Variants in SLC12A1 observed in about 807,000 individuals in gnomAD.
SLC12A1 encodes Na-K-2Cl cotransporter.
In SLC12A1, 89 loss-of-function variants were observed where a neutral mutation model predicts 130.4. The observed-to-expected ratio is 0.68, with a 90% CI of 0.58 to 0.81. The LOEUF is 0.81. SLC12A1 is among the 40% of genes least tolerant of loss of function. SLC12A1 has a pLI of 0.00. For missense variants in SLC12A1, 1,310 were observed against 1,336.4 expected, an observed-to-expected ratio of 0.98 and a Z score of 0.31; for synonymous variants, 499 against 460.0, an observed-to-expected ratio of 1.08 and a Z score of -1.09.
chr15:48,264,827 A>G (rs925880426), intron 17 of SLC12A1, among the ~76,000 whole-genome samples: 3 of 152,204 alleles, frequency 2.0e-5, no homozygotes, highest in African/African-American at 7.2e-5. Context: ...ACTCTTTTTC[A>G]TGATAGTCAC....
At chr15:48,254,614 A>AC (rs2041683368) in intron 15 of SLC12A1, among the ~76,000 whole-genome samples, 2 of 145,190 alleles carry the variant, frequency 1.4e-5, no homozygotes, top group East Asian at 2.2e-4. Context: ...AAAAAAAAAA[A>AC]AAAAAAAAAA....
chr15:48,239,515 AAAATAAATAAAT>A (rs10530478), intron 9 of SLC12A1, among the ~76,000 whole-genome samples: 41 of 143,718 alleles, frequency 2.9e-4, no homozygotes, highest in South Asian at 2.7e-3. Flanking sequence ...AACCCATCTC[AAAATAAATAAAT>A]AAATAAATAA....
In SLC12A1 at chr15:48,288,419, A is replaced by G; in HGVS notation, c.2776A>G (p.Ile926Val). ...LFDDGGLTLL[I>V]PYILTLRKKW... ...CTTTATTCCAGGGTTAACACTTCTT[A>G]TCCCCTATATCTTAACTCTCAGAAA... The change falls in exon 23 of 27, where the codon ATC becomes GTC. Residue 926 changes from isoleucine (I) to valine (V), a missense_variant. Coordinates refer to ENST00000380993, the MANE Select transcript of SLC12A1 (RefSeq NM_000338.3). 1 of 1,502,308 alleles carries G rather than the reference A, an allele frequency of 6.7e-7. No homozygotes were observed. The allele number at this position is 1,502,308 out of a possible 1,614,324, so 93.1% of individuals were successfully genotyped here. A position where few individuals can be genotyped will look rare whatever the true frequency, so the allele number is the denominator to read the frequency against.
intron 21 of SLC12A1, among the ~76,000 whole-genome samples, chr15:48,286,043 G>C (rs2042053240): frequency 6.6e-6 from 1 of 152,064 alleles, no homozygotes; most frequent in Non-Finnish European, 1.5e-5. Flanking sequence ...TCTCTGGGAG[G>C]GTCTCCAAGT....
intron 23 of SLC12A1, among the ~76,000 whole-genome samples, chr15:48,291,285 G>C (rs2042117737): frequency 6.7e-6 from 1 of 149,594 alleles, no homozygotes. Context: ...TAATATATAT[G>C]ATGGTTTATA....
At chr15:48,271,860 G>T (rs1215102495) in intron 19 of SLC12A1, among the ~76,000 whole-genome samples, 1 of 152,168 alleles carries the variant, frequency 6.6e-6, no homozygotes, top group African/African-American at 2.4e-5. Context: ...CTTGGAAATT[G>T]ACCAGATCTG....
chr15:48,283,245 G>C (rs1019487929), intron 20 of SLC12A1, among the ~76,000 whole-genome samples: 7 of 152,118 alleles, frequency 4.6e-5, no homozygotes, highest in Non-Finnish European at 7.4e-5. Context: ...TGCAAAGCTT[G>C]GGGGGTGGGA....
At chr15:48,254,613 AAAAAAAAAAAAAAAAAAC>A (rs2041683334) in intron 15 of SLC12A1, among the ~76,000 whole-genome samples, 1 of 144,880 alleles carries the variant, frequency 6.9e-6, no homozygotes, top group African/African-American at 2.5e-5. Context: ...AAAAAAAAAA[AAAAAAAAAAAAAAAAAAC>A]CCAAAAAAGA....
intron 23 of SLC12A1, among the ~76,000 whole-genome samples, chr15:48,290,094 C>T (rs2042103736): frequency 6.6e-6 from 1 of 152,048 alleles, no homozygotes; most frequent in Non-Finnish European, 1.5e-5. Flanking sequence ...TCTTTATATC[C>T]TTATTCTATA....
rs780497747 is a variant in SLC12A1 at position 48,246,936 on chromosome 15, C to G, written c.1480C>G (p.Pro494Ala). ...CATGAGCATGGTATCAGGGTTCGGC[C>G]CCCTCATCACTGCGGGAATCTTTTC... is the stretch of plus-strand genomic sequence containing the variant. Reference protein sequence around the residue: ...QVMSMVSGFGPLITAGIFSAT... With the variant: ...QVMSMVSGFGALITAGIFSAT... The change falls in exon 12 of 27, where the codon CCC becomes GCC. Residue 494 changes from proline (P) to alanine (A), a missense_variant. Transcript: ENST00000380993. The G allele has an allele frequency of 2.5e-6, 4 of 1,613,724 alleles. No individual in the cohort carries two copies. Among genetic ancestry groups the G allele is most frequent in the Admixed American group, 1.7e-5 (1 of 59,998 alleles).
chr15:48,207,794 C>G lies in SLC12A1; in HGVS notation c.75C>G (p.Val25=), dbSNP rs779764287. The change falls in exon 2 of 27, where the codon GTC becomes GTG. Residue 25 remains valine (V), a synonymous_variant. Coordinates refer to ENST00000380993, the MANE Select transcript of SLC12A1 (RefSeq NM_000338.3). The stretch of plus-strand genomic sequence containing the variant: ...ATACCAATCGCTTTCAAGTTAGTGT[C>G]ATAAATGAGAACCATGAGAGCAGTG... ...PSNTNRFQVS[V]INENHESSAA... is the part of the protein sequence containing the mutation. The G allele has an allele frequency of 6.2e-7, 1 of 1,613,744 alleles. No homozygotes were observed. Among genetic ancestry groups the G allele is most frequent in the South Asian group, 1.1e-5 (1 of 90,982 alleles).
intron 9 of SLC12A1, chr15:48,237,037 AAGG>A: frequency 1.4e-6 from 1 of 702,572 alleles, no homozygotes; most frequent in Non-Finnish European, 2.6e-6. Flanking sequence ...CTCAGAGTCG[AAGG>A]AGGAGACAGA....
intron 24 of SLC12A1, among the ~76,000 whole-genome samples, chr15:48,294,449 T>G (rs2042154280): frequency 6.6e-6 from 1 of 152,216 alleles, no homozygotes; most frequent in African/African-American, 2.4e-5. Flanking sequence ...TTTGTGATAT[T>G]TCTTTACATC....
chr15:48,294,307 C>T (rs1157666344), intron 24 of SLC12A1, among the ~76,000 whole-genome samples: 54 of 145,432 alleles, frequency 3.7e-4, no homozygotes, highest in African/African-American at 1.1e-3. Flanking sequence ...GAGATCGCAC[C>T]ACTGCACCTC....
chr15:48,271,665 T>C (rs1202034145), intron 19 of SLC12A1, among the ~76,000 whole-genome samples: 1 of 152,194 alleles, frequency 6.6e-6, no homozygotes, highest in Non-Finnish European at 1.5e-5. Flanking sequence ...GGAACCTATA[T>C]ATTAAGTGCA....
At chr15:48,264,851 CAT>C (rs1327785457) in intron 17 of SLC12A1, among the ~76,000 whole-genome samples, 1 of 152,150 alleles carries the variant, frequency 6.6e-6, no homozygotes, top group African/African-American at 2.4e-5. Context: ...TTTAAAGTAA[CAT>C]CACATCAACT....
At chr15:48,301,450 A>G in intron 26 of SLC12A1, 68 bp downstream of exon 26, 1 of 1,089,146 alleles carries the variant, frequency 9.2e-7, no homozygotes, top group African/African-American at 1.7e-5. Context: ...TAATCCATTT[A>G]AAAGCTTGGG....
At chr15:48,234,793 A>G (rs977658535) in intron 8 of SLC12A1, 84 bp from the exon 9 acceptor site, 1 of 1,289,048 alleles carries the variant, frequency 7.8e-7, no homozygotes, top group Non-Finnish European at 1.1e-6. Flanking sequence ...ATTTTCATTT[A>G]GGACTAGGGA....
At chr15:48,273,189 C>T (rs1316584128) in intron 19 of SLC12A1, among the ~76,000 whole-genome samples, 2 of 152,004 alleles carry the variant, frequency 1.3e-5, no homozygotes, top group African/African-American at 2.4e-5. Flanking sequence ...CATTCCCTTC[C>T]GGAGGCTCTA....
Sources: gnomAD v4.1 joint callset for allele counts (sites outside exome capture counted in the v4.1 genomes callset) on GRCh38, gnomAD v4.1.1 for gene constraint, MANE v1.5 for transcripts, NCBI Gene and HGNC (gene_info 2026-07-23, HGNC 2026-07-21) for gene names.